The following CNTN4 variants were observed in gnomAD, a reference collection of about 807,000 sequenced individuals.
CNTN4 encodes contactin-4.
In CNTN4, 77 loss-of-function variants were observed where a neutral mutation model predicts 122.5. The ratio of observed to expected loss-of-function variants is 0.63; its 90% CI spans 0.52 to 0.76. CNTN4 has a LOEUF of 0.76. Ranked by LOEUF, CNTN4 falls within the 30% of genes least tolerant of loss-of-function variation. The pLI is 0.00. For missense variants in CNTN4, 1,256 were observed against 1,259.1 expected (o/e 1.00, Z 0.04); for synonymous variants, 512 against 447.0 (o/e 1.15, Z -1.83).
At chr3:2,570,624 G>A (rs932881563) in intron 3 of CNTN4, among the ~76,000 whole-genome samples, 1 of 152,104 alleles carries the variant, frequency 6.6e-6, no homozygotes, top group Non-Finnish European at 1.5e-5. Flanking sequence ...TTGAGCTGAG[G>A]GGCACCTGTT....
intron 13 of CNTN4, among the ~76,000 whole-genome samples, chr3:2,972,613 T>G (rs1237968174): frequency 1.3e-5 from 2 of 152,192 alleles, no homozygotes; most frequent in African/African-American, 2.4e-5. Context: ...AACACTATCT[T>G]CCTTTCATAG....
intron 4 of CNTN4, among the ~76,000 whole-genome samples, chr3:2,657,754 T>C (rs572369564): frequency 6.6e-6 from 1 of 152,062 alleles, no homozygotes; most frequent in Admixed American, 6.5e-5. Flanking sequence ...TGTTTTCTAA[T>C]GCAAATCGTT....
intron 3 of CNTN4, among the ~76,000 whole-genome samples, chr3:2,474,178 A>C (rs1450464212): frequency 1.3e-5 from 2 of 152,026 alleles, no homozygotes; most frequent in Non-Finnish European, 2.9e-5. Context: ...TTCTTTTTAC[A>C]TAGGGCTTCC....
At chr3:2,746,086 T>TGC (rs1049086475) in intron 6 of CNTN4, among the ~76,000 whole-genome samples, 2 of 46,226 alleles carry the variant, frequency 4.3e-5, no homozygotes, top group African/African-American at 9.3e-5. Flanking sequence ...GAACAAATTT[T>TGC]ACACACACAC....
chr3:2,269,569 C>A (rs1011543191), intron 2 of CNTN4, among the ~76,000 whole-genome samples: 20 of 152,136 alleles, frequency 1.3e-4, no homozygotes, highest in Non-Finnish European at 2.5e-4. Context: ...TTGATGTCAC[C>A]TTTTCAAGTT....
At chr3:2,335,344 T>C (rs1559463667) in intron 2 of CNTN4, among the ~76,000 whole-genome samples, 1 of 152,096 alleles carries the variant, frequency 6.6e-6, no homozygotes, top group Non-Finnish European at 1.5e-5. Context: ...CTGCATAGTA[T>C]GAACTGGGCA....
At chr3:2,811,696 G>T (rs2092615115) in intron 6 of CNTN4, among the ~76,000 whole-genome samples, 1 of 151,926 alleles carries the variant, frequency 6.6e-6, no homozygotes, top group Non-Finnish European at 1.5e-5. Context: ...ACGGAGTCTT[G>T]CTCTGTCACC....
chr3:2,263,860 A>G (rs760221813), intron 2 of CNTN4, among the ~76,000 whole-genome samples: 28 of 123,622 alleles, frequency 2.3e-4, no homozygotes, highest in Non-Finnish European at 5.2e-4. Flanking sequence ...GTTTTTGTAT[A>G]TAAGTGAAAA....
At chr3:2,211,155 C>G (rs1227350269) in intron 2 of CNTN4, among the ~76,000 whole-genome samples, 1 of 152,140 alleles carries the variant, frequency 6.6e-6, no homozygotes, top group Non-Finnish European at 1.5e-5. Context: ...AAAGTAGGAG[C>G]AGGCACATCA....
chr3:2,325,165 G>A (rs1409086312), intron 2 of CNTN4, among the ~76,000 whole-genome samples: 2 of 152,160 alleles, frequency 1.3e-5, no homozygotes, highest in Non-Finnish European at 2.9e-5. Context: ...CAGAGGCTGC[G>A]TGACATTTGA....
At chr3:2,516,104 A>T (rs1031182955) in intron 3 of CNTN4, among the ~76,000 whole-genome samples, 1 of 151,944 alleles carries the variant, frequency 6.6e-6, no homozygotes, top group East Asian at 1.9e-4. Flanking sequence ...GGAGGTCTCT[A>T]TATGTGTCTT....
rs572148497 is a variant in CNTN4 at position 2,505,023 on chromosome 3, G to A, written c.-88-66393G>A. 5.8e-4 allele frequency among the ~76,000 whole-genome samples: 88 copies of A among 152,284 alleles called. 1 individual carries two copies. The highest frequency in any genetic ancestry group is 1.9e-3 in the African/African-American group (79 of 41,576). The stretch of plus-strand genomic sequence containing the variant: ...CAGCTATAAAGGATGTTATTGGATC[G>A]ATTTGGAAAATTTGAGTATAGACCA... On this transcript the variant is annotated intron_variant, in intron 3 of 24. Transcript: ENST00000418658.
intron 4 of CNTN4, among the ~76,000 whole-genome samples, chr3:2,599,350 A>C (rs2080920631): frequency 6.6e-6 from 1 of 152,240 alleles, no homozygotes; most frequent in African/African-American, 2.4e-5. Flanking sequence ...AGTATATCTG[A>C]ATCCAGAATC....
At chr3:2,553,560 A>C (rs1028225571) in intron 3 of CNTN4, among the ~76,000 whole-genome samples, 1 of 152,130 alleles carries the variant, frequency 6.6e-6, no homozygotes, top group African/African-American at 2.4e-5. Context: ...AGTGTGTCCT[A>C]AGGGATCAAA....
At chr3:2,470,214 T>C (rs778708125) in intron 3 of CNTN4, among the ~76,000 whole-genome samples, 45 of 152,172 alleles carry the variant, frequency 3.0e-4, no homozygotes, top group Admixed American at 1.3e-3. Context: ...GTAGCTGAGA[T>C]TACAGGCACA....
At chr3:2,652,618 T>TAAC (rs1364166442) in intron 4 of CNTN4, among the ~76,000 whole-genome samples, 1 of 151,894 alleles carries the variant, frequency 6.6e-6, no homozygotes. Context: ...CACACAGGAA[T>TAAC]AACAAAGAAA....
At chr3:2,266,099 T>C (rs2149785210) in intron 2 of CNTN4, among the ~76,000 whole-genome samples, 1 of 152,210 alleles carries the variant, frequency 6.6e-6, no homozygotes, top group East Asian at 1.9e-4. Context: ...GCCAGTACTA[T>C]GGTGAATGGA....
chr3:2,184,178 G>A (rs2037145211), intron 2 of CNTN4, among the ~76,000 whole-genome samples: 2 of 151,972 alleles, frequency 1.3e-5, no homozygotes, highest in Admixed American at 1.3e-4. Flanking sequence ...TAGAAACGAG[G>A]TTTCACCATA....
At chr3:2,515,274 G>A (rs1009009092) in intron 3 of CNTN4, among the ~76,000 whole-genome samples, 7 of 152,234 alleles carry the variant, frequency 4.6e-5, no homozygotes, top group African/African-American at 1.7e-4. Context: ...TAAAATAAGA[G>A]TGTTGTTAAT....
Sources: allele counts gnomAD v4.1 joint callset (sites outside exome capture counted in the v4.1 genomes callset), GRCh38; gene constraint gnomAD v4.1.1; transcripts MANE v1.5; gene names NCBI Gene and HGNC (gene_info 2026-07-23, HGNC 2026-07-21).